Variants in BCR observed in about 807,000 individuals in gnomAD.
The protein encoded by BCR is breakpoint cluster region protein.
A neutral mutation model predicts 138.6 loss-of-function variants in BCR; 58 were observed. The observed-to-expected ratio is 0.42, with a 90% CI of 0.34 to 0.52. The LOEUF (loss-of-function observed/expected upper bound fraction) is 0.52. Among genes scored for constraint, BCR ranks in the 20% least tolerant of loss-of-function variants. BCR has a pLI of 0.06. For synonymous variants in BCR, 786 were observed against 730.1 expected, an observed-to-expected ratio of 1.08 and a Z score of -1.23; for missense variants, 1,599 against 1,727.2, an observed-to-expected ratio of 0.93 and a Z score of 1.32.
chr22:23,225,099 C>G (rs181916391), intron 1 of BCR, among the ~76,000 whole-genome samples: 1 of 151,796 alleles, frequency 6.6e-6, no homozygotes, highest in South Asian at 2.1e-4. Context: ...AAGATGAGCT[C>G]CCCTCTGAGA....
chr22:23,279,731 T>G (rs2073621155), intron 8 of BCR, among the ~76,000 whole-genome samples: 1 of 152,256 alleles, frequency 6.6e-6, no homozygotes, highest in Non-Finnish European at 1.5e-5. Context: ...ATGATCAGAC[T>G]GTAGTTCGTG....
chr22:23,231,986 C>A (rs928571737), intron 1 of BCR, among the ~76,000 whole-genome samples: 1 of 152,216 alleles, frequency 6.6e-6, no homozygotes, highest in African/African-American at 2.4e-5. Context: ...GGCAGCTCAT[C>A]CCTCAGGCCC....
At chr22:23,314,104 C>T (rs1602137938) in intron 21 of BCR, 31 bp downstream of exon 21, 2 of 1,562,526 alleles carry the variant, frequency 1.3e-6, no homozygotes, top group Non-Finnish European at 1.8e-6. Context: ...CAGCCCAGGG[C>T]TCCAGGTCCC....
Position 23,253,987 on chromosome 22 carries a change from C to T in BCR, c.1461+7C>T. On this transcript the variant is annotated splice_region_variant and intron_variant, in intron 2 of 22. Coordinates refer to ENST00000305877, the MANE Select transcript of BCR (RefSeq NM_004327.4). The stretch of plus-strand genomic sequence containing the variant: ...CCTGGAGTCCACTAAAGCGGTGAGT[C>T]CCCATGGTGTACGTGTGGCAGGAGG... 1 of 1,607,896 alleles carries T rather than the reference C, an allele frequency of 6.2e-7. No homozygotes were observed. The highest frequency in any genetic ancestry group is 8.5e-7 in the Non-Finnish European group (1 of 1,177,112).
At chr22:23,188,597 A>T (rs2072376146) in intron 1 of BCR, among the ~76,000 whole-genome samples, 1 of 152,118 alleles carries the variant, frequency 6.6e-6, no homozygotes, top group South Asian at 2.1e-4. Flanking sequence ...AGAGTGAATG[A>T]ATGGGCATCT....
chr22:23,277,615 G>GT (rs1475029765), intron 8 of BCR, among the ~76,000 whole-genome samples: 6 of 152,274 alleles, frequency 3.9e-5, no homozygotes, highest in Admixed American at 3.9e-4. Context: ...TGGCCTGGGT[G>GT]TTTCGAGGTT....
At chr22:23,205,697 C>A (rs2072605184) in intron 1 of BCR, among the ~76,000 whole-genome samples, 1 of 149,920 alleles carries the variant, frequency 6.7e-6, no homozygotes, top group South Asian at 2.1e-4. Flanking sequence ...GCTGAACTTT[C>A]CTTAAATGAC....
intron 8 of BCR, among the ~76,000 whole-genome samples, chr22:23,279,056 G>C (rs971398180): frequency 2.0e-5 from 3 of 152,240 alleles, no homozygotes; most frequent in African/African-American, 7.2e-5. Flanking sequence ...TGGAGCTGGA[G>C]CCTGCTGCAT....
chr22:23,288,274 A>G lies in BCR; in HGVS notation c.2602+102A>G, dbSNP rs571607612. ...CTTCTTTTTTATTTCGAGGGGTTTT[A>G]TCCAAGTGAAGTGTTGCATGGAGGG... On this transcript the variant is annotated intron_variant, in intron 12 of 22. Coordinates refer to ENST00000305877, the MANE Select transcript of BCR (RefSeq NM_004327.4). 6.5e-6 allele frequency: 8 copies of G among 1,230,366 alleles called. No homozygotes were observed. In the South Asian group the frequency reaches 9.9e-5, roughly 15 times the overall value. The allele number at this position is 1,230,366 out of a possible 1,614,324, so 76.2% of individuals were successfully genotyped here. A position where few individuals can be genotyped will look rare whatever the true frequency, so the allele number is the denominator to read the frequency against.
chr22:23,219,980 C>T (rs996412607), intron 1 of BCR, among the ~76,000 whole-genome samples: 3 of 152,208 alleles, frequency 2.0e-5, no homozygotes, highest in African/African-American at 7.2e-5. Flanking sequence ...ATTGAGTCAT[C>T]CTGTTACCAT....
chr22:23,263,217 C>T (rs976023921), intron 4 of BCR: 11 of 963,892 alleles, frequency 1.1e-5, no homozygotes, highest in East Asian at 2.6e-5. Flanking sequence ...AGCGCTCTGG[C>T]GCCTGCCGGA....
intron 1 of BCR, among the ~76,000 whole-genome samples, chr22:23,194,771 T>C (rs1267807792): frequency 6.6e-6 from 1 of 151,882 alleles, no homozygotes; most frequent in African/African-American, 2.4e-5. Context: ...CAAGACCCCA[T>C]CTCTACAAAA....
chr22:23,226,305 TGA>T lies in BCR; in HGVS notation c.1280-27472_1280-27471del, dbSNP rs67417858. On this transcript the variant is annotated intron_variant, in intron 1 of 22. Coordinates refer to ENST00000305877, the MANE Select transcript of BCR (RefSeq NM_004327.4). ...TTTATATTTATTGGCATTAAGTGTA[TGA>T]GAGAGAGAGAGAGAGAGAGAGTGTG... is the stretch of plus-strand genomic sequence containing the variant. 9.8e-3 allele frequency among the ~76,000 whole-genome samples: 1,454 copies of T among 148,968 alleles called. 26 individuals are homozygous for T. The highest frequency in any genetic ancestry group is 0.033 in the African/African-American group (1,345 of 40,318).
chr22:23,296,455 C>G (rs1350277849), intron 16 of BCR, among the ~76,000 whole-genome samples: 1 of 151,424 alleles, frequency 6.6e-6, no homozygotes, highest in African/African-American at 2.4e-5. Context: ...CACCTGTCAT[C>G]TTTGCTGATG....
At position 23,255,651 on chromosome 22, in the gene BCR, C is replaced by T. The variant is rs140359968; in HGVS notation, c.1461+1671C>T. ...CCGAAAGGAAGCTGATCTGCCCACT[C>T]AGTGCCCCAGTCCCTGTCCGGGGGT... is the stretch of plus-strand genomic sequence containing the variant. On this transcript the variant is annotated intron_variant, in intron 2 of 22. Coordinates refer to ENST00000305877, the MANE Select transcript of BCR (RefSeq NM_004327.4). Among the ~76,000 whole-genome samples, 887 of 152,356 alleles carry T rather than the reference C, an allele frequency of 5.8e-3. 9 individuals carry two copies. The highest frequency in any genetic ancestry group is 0.022 in the South Asian group (108 of 4,832).
rs573152643 is a variant in BCR at position 23,180,600 on chromosome 22, G to A, written c.-361G>A. ...GCGGCGGCGGCGGCGGCACGGCGGC[G>A]GCGGGGCTGTGGGGCGGTGCGGAAG... On this transcript the variant is annotated 5_prime_UTR_variant, in exon 1 of 23. Transcript: ENST00000305877. 0.042 allele frequency: 7,292 copies of A among 174,174 alleles called. 274 individuals are homozygous for A. Among genetic ancestry groups the A allele is most frequent in the Admixed American group, 0.11 (1,540 of 14,414 alleles). 10.8% of individuals were successfully genotyped at this position (174,174 alleles called of 1,614,324 possible).
At chr22:23,250,027 C>G (rs992263817) in intron 1 of BCR, among the ~76,000 whole-genome samples, 7 of 152,256 alleles carry the variant, frequency 4.6e-5, no homozygotes, top group African/African-American at 1.4e-4. Flanking sequence ...GTGTCCACTT[C>G]AAAGTCTCAC....
At chr22:23,280,437 G>C (rs890999402) in intron 8 of BCR, among the ~76,000 whole-genome samples, 2 of 152,248 alleles carry the variant, frequency 1.3e-5, no homozygotes, top group African/African-American at 4.8e-5. Context: ...TAGAGTCCTG[G>C]TGAGGAGTGA....
intron 1 of BCR, chr22:23,242,868 C>T (rs947571474): frequency 4.4e-6 from 2 of 455,792 alleles, no homozygotes; most frequent in Admixed American, 4.7e-5. Context: ...CAGGCTGTCT[C>T]TGGAGGCTCT....
Sources: allele counts gnomAD v4.1 joint callset (sites outside exome capture counted in the v4.1 genomes callset), GRCh38; gene constraint gnomAD v4.1.1; transcripts MANE v1.5; gene names NCBI Gene and HGNC (gene_info 2026-07-23, HGNC 2026-07-21).